CDH9: variants seen among roughly 807,000 people sequenced by gnomAD.
The protein encoded by CDH9 is cadherin 9.
A neutral mutation model predicts 70.9 loss-of-function variants in CDH9; 28 were observed. The observed-to-expected ratio is 0.40, with a 90% confidence interval of 0.29 to 0.54. The LOEUF (loss-of-function observed/expected upper bound fraction) is 0.54, where lower values mean the gene tolerates loss of function less well. Among genes scored for constraint, CDH9 ranks in the 20% least tolerant of loss-of-function variants. CDH9 has a pLI of 0.59. For synonymous variants in CDH9, 409 were observed against 343.1 expected (o/e 1.19, Z -2.12); for missense variants, 874 against 984.4 (o/e 0.89, Z 1.50).
intron 1 of CDH9, among the ~76,000 whole-genome samples, chr5:26,989,816 C>CT (rs953831419): frequency 4.7e-4 from 72 of 152,220 alleles, no homozygotes; most frequent in African/African-American, 1.7e-3. Flanking sequence ...TTGTGCCCTA[C>CT]TGTCTGTGAT....
chr5:26,989,851 C>T (rs1395511842), intron 1 of CDH9, among the ~76,000 whole-genome samples: 3 of 152,100 alleles, frequency 2.0e-5, no homozygotes, highest in African/African-American at 4.8e-5. Context: ...ACCTATATCA[C>T]TTGGTCTTCA....
chr5:26,975,483 T>C (rs1192901283), intron 2 of CDH9, among the ~76,000 whole-genome samples: 2 of 152,158 alleles, frequency 1.3e-5, no homozygotes, highest in Non-Finnish European at 2.9e-5. Context: ...AGCTTTGGGG[T>C]AAACAACAAG....
chr5:26,883,026 A>C (rs1212798873), intron 11 of CDH9, among the ~76,000 whole-genome samples: 1 of 128,620 alleles, frequency 7.8e-6, no homozygotes, highest in African/African-American at 2.9e-5. Context: ...AAGCTGAGCT[A>C]TATTCAGGAT....
chr5:26,906,277 A>C, intron 4 of CDH9, 151 bp from the exon 5 acceptor site: 1 of 638,322 alleles, frequency 1.6e-6, no homozygotes, highest in Non-Finnish European at 2.6e-6. Context: ...ACTTTAAGAT[A>C]ATTCACAGAA....
chr5:26,892,233 C>T (rs1434951355), intron 7 of CDH9, among the ~76,000 whole-genome samples: 1 of 152,122 alleles, frequency 6.6e-6, no homozygotes, highest in Non-Finnish European at 1.5e-5. Context: ...TTTTTTACAT[C>T]TTTGTGAGAT....
At chr5:26,883,062 T>G (rs1475555678) in intron 11 of CDH9, among the ~76,000 whole-genome samples, 3,596 of 116,966 alleles carry the variant, frequency 0.031, 298 homozygotes, top group Non-Finnish European at 0.038. Flanking sequence ...TATATATATA[T>G]ATATATATAT....
chr5:27,017,918 G>T (rs902797282), intron 1 of CDH9, among the ~76,000 whole-genome samples: 2 of 151,412 alleles, frequency 1.3e-5, no homozygotes, highest in Admixed American at 6.6e-5. Flanking sequence ...AGTATACATT[G>T]TTTTTTTATT....
At chr5:26,881,686 C>T in intron 11 of CDH9, 63 bp from the exon 12 acceptor site, 3 of 1,445,586 alleles carry the variant, frequency 2.1e-6, no homozygotes, top group Admixed American at 2.2e-5. Context: ...GAGTACACTT[C>T]TGAGTGTGAA....
intron 1 of CDH9, among the ~76,000 whole-genome samples, chr5:27,022,839 G>A (rs899373742): frequency 1.2e-4 from 18 of 152,040 alleles, no homozygotes; most frequent in Non-Finnish European, 2.4e-4. Flanking sequence ...CAACACAGAG[G>A]ACTCCACATC....
At chr5:26,996,317 C>T (rs116165232) in intron 1 of CDH9, among the ~76,000 whole-genome samples, 1 of 151,996 alleles carries the variant, frequency 6.6e-6, no homozygotes, top group Non-Finnish European at 1.5e-5. Flanking sequence ...CTGTGTGATA[C>T]GGTCATATAA....
At chr5:26,978,485 A>T (rs1421182130) in intron 2 of CDH9, among the ~76,000 whole-genome samples, 1 of 151,932 alleles carries the variant, frequency 6.6e-6, no homozygotes, top group Non-Finnish European at 1.5e-5. Flanking sequence ...ATATTATATT[A>T]ACCAAAAATA....
chr5:26,965,009 T>TTA (rs1742105128), intron 2 of CDH9, among the ~76,000 whole-genome samples: 1 of 152,162 alleles, frequency 6.6e-6, no homozygotes, highest in Admixed American at 6.5e-5. Flanking sequence ...TTATCAAAAT[T>TTA]TCAAATGCTT....
intron 1 of CDH9, among the ~76,000 whole-genome samples, chr5:27,006,789 T>A (rs1742871875): frequency 6.6e-6 from 1 of 151,952 alleles, no homozygotes; most frequent in African/African-American, 2.4e-5. Flanking sequence ...TATCATGAAG[T>A]CATCAAAAAA....
At chr5:26,932,198 A>G (rs1741475607) in intron 2 of CDH9, among the ~76,000 whole-genome samples, 1 of 152,098 alleles carries the variant, frequency 6.6e-6, no homozygotes, top group Non-Finnish European at 1.5e-5. Context: ...AGGAATAAAC[A>G]TATGCTCAGA....
chr5:26,994,735 T>C (rs1429025220), intron 1 of CDH9, among the ~76,000 whole-genome samples: 1 of 152,140 alleles, frequency 6.6e-6, no homozygotes, highest in Non-Finnish European at 1.5e-5. Flanking sequence ...ACACAGTCTA[T>C]GGTATCTTGA....
intron 2 of CDH9, among the ~76,000 whole-genome samples, chr5:26,931,594 C>T (rs2112024475): frequency 6.6e-6 from 1 of 152,140 alleles, no homozygotes; most frequent in Admixed American, 6.6e-5. Context: ...AAAATTCAAG[C>T]TAAAATAGAC....
chr5:26,987,105 T>A (rs1742501341), intron 2 of CDH9, among the ~76,000 whole-genome samples: 1 of 150,278 alleles, frequency 6.7e-6, no homozygotes, highest in Non-Finnish European at 1.5e-5. Flanking sequence ...TTTTTTTTTT[T>A]TTTTTTTTCA....
At chr5:26,998,814 A>C (rs1005523796) in intron 1 of CDH9, among the ~76,000 whole-genome samples, 1 of 152,192 alleles carries the variant, frequency 6.6e-6, no homozygotes, top group African/African-American at 2.4e-5. Flanking sequence ...AGAAGTATTC[A>C]ATTTCACCAC....
intron 6 of CDH9, chr5:26,903,140 A>G (rs772087464): frequency 1.0e-4 from 21 of 207,970 alleles, no homozygotes; most frequent in Non-Finnish European, 1.6e-4. Context: ...AAAGTAAGAT[A>G]TGAATAAAAA....
Sources: allele counts gnomAD v4.1 joint callset (sites outside exome capture counted in the v4.1 genomes callset), GRCh38; gene constraint gnomAD v4.1.1; transcripts MANE v1.5; gene names NCBI Gene and HGNC (gene_info 2026-07-23, HGNC 2026-07-21).